Variants in VRK1 observed in about 807,000 individuals in gnomAD.
VRK1 encodes serine/threonine-protein kinase VRK1.
In VRK1, 33 loss-of-function variants were observed where a neutral mutation model predicts 57.1. That is an observed-to-expected ratio of 0.58 (90% CI 0.44 to 0.77). VRK1 has a LOEUF of 0.77. VRK1 is among the 30% of genes least tolerant of loss of function. The probability of loss-of-function intolerance (pLI) is 0.00; values close to 1 mark genes in which losing one functional copy is unlikely to be tolerated. For missense variants in VRK1, 413 were observed against 477.3 expected (o/e 0.87, Z 1.25); for synonymous variants, 137 against 147.8 (o/e 0.93, Z 0.53).
At chr14:96,863,709 C>T (rs949406620) in intron 11 of VRK1, among the ~76,000 whole-genome samples, 1 of 152,104 alleles carries the variant, frequency 6.6e-6, no homozygotes, top group Non-Finnish European at 1.5e-5. Context: ...ATTTTACCTC[C>T]TAATTTTAAA....
chr14:96,807,576 T>A (rs1226146651), intron 1 of VRK1, among the ~76,000 whole-genome samples: 1 of 152,236 alleles, frequency 6.6e-6, no homozygotes, highest in Non-Finnish European at 1.5e-5. Context: ...TTTTCTTCTG[T>A]GAGTTAAGGG....
At chr14:96,808,277 TGTTTTTG>T (rs1312221949) in intron 1 of VRK1, among the ~76,000 whole-genome samples, 3 of 151,044 alleles carry the variant, frequency 2.0e-5, no homozygotes, top group Non-Finnish European at 4.5e-5. Context: ...TTTCTGCCCC[TGTTTTTG>T]TTTAATTGTT....
chr14:96,855,470 A>G, intron 8 of VRK1, 114 bp downstream of exon 8: 1 of 1,516,890 alleles, frequency 6.6e-7, no homozygotes, highest in South Asian at 1.1e-5. Context: ...TTGAAAAGGC[A>G]CAGTGGCATG....
intron 10 of VRK1, 127 bp downstream of exon 10, chr14:96,856,713 A>G: frequency 1.3e-6 from 1 of 799,736 alleles, no homozygotes. Context: ...TCACACCTGT[A>G]ATCCCAGCAC....
At chr14:96,834,366 T>G (rs1317742277) in intron 2 of VRK1, among the ~76,000 whole-genome samples, 2 of 152,218 alleles carry the variant, frequency 1.3e-5, no homozygotes, top group African/African-American at 4.8e-5. Context: ...AGCAATATCT[T>G]ACTCAGAATA....
At chr14:96,836,865 T>C (rs527652760) in intron 2 of VRK1, among the ~76,000 whole-genome samples, 2 of 152,236 alleles carry the variant, frequency 1.3e-5, no homozygotes, top group Admixed American at 6.5e-5. Context: ...CCTGGAGTGC[T>C]CTTCACTAAG....
At chr14:96,797,526 G>A (rs2139669076) in intron 1 of VRK1, 79 bp downstream of exon 1, 1 of 152,258 alleles carries the variant, frequency 6.6e-6, no homozygotes, top group Non-Finnish European at 1.5e-5. Context: ...CGGGGCTGGG[G>A]CCGGCACTGG....
At chr14:96,834,834 A>G (rs1887152304) in intron 2 of VRK1, among the ~76,000 whole-genome samples, 1 of 152,194 alleles carries the variant, frequency 6.6e-6, no homozygotes, top group Non-Finnish European at 1.5e-5. Flanking sequence ...TGTATTAGCC[A>G]GGTATATATT....
intron 1 of VRK1, among the ~76,000 whole-genome samples, chr14:96,830,064 A>G (rs28500528): frequency 6.1e-4 from 93 of 152,092 alleles, no homozygotes; most frequent in African/African-American, 2.1e-3. Flanking sequence ...TTCCCCTGGC[A>G]TAAAATGTTG....
chr14:96,843,277 T>G (rs1392296180), intron 3 of VRK1, among the ~76,000 whole-genome samples: 2 of 152,216 alleles, frequency 1.3e-5, no homozygotes, highest in Non-Finnish European at 2.9e-5. Flanking sequence ...TGAATTGCAC[T>G]TACCCTTAGT....
At chr14:96,808,355 C>A (rs569735661) in intron 1 of VRK1, among the ~76,000 whole-genome samples, 24 of 152,224 alleles carry the variant, frequency 1.6e-4, no homozygotes, top group Middle Eastern at 6.8e-3. Context: ...CTTTATTTCT[C>A]CCTCATACCC....
intron 1 of VRK1, among the ~76,000 whole-genome samples, 168 bp downstream of exon 1, chr14:96,797,615 C>T (rs1885485642): frequency 1.3e-5 from 2 of 152,052 alleles, no homozygotes; most frequent in Admixed American, 6.5e-5. Flanking sequence ...CCGCGCTCCG[C>T]CGCGTGGCTT....
chr14:96,820,585 T>C (rs1002634005), intron 1 of VRK1, among the ~76,000 whole-genome samples: 2 of 152,218 alleles, frequency 1.3e-5, no homozygotes, highest in African/African-American at 2.4e-5. Context: ...AGAAAATTGC[T>C]CAAATTTGCT....
At chr14:96,871,374 A>AGGGT (rs1159736819) in intron 11 of VRK1, among the ~76,000 whole-genome samples, 2 of 151,562 alleles carry the variant, frequency 1.3e-5, no homozygotes, top group Non-Finnish European at 2.9e-5. Flanking sequence ...AACAAAATCA[A>AGGGT]GGGTGGACTG....
chr14:96,880,064 A>G (rs540199870), intron 12 of VRK1, among the ~76,000 whole-genome samples: 8 of 152,322 alleles, frequency 5.3e-5, no homozygotes, highest in African/African-American at 1.9e-4. Context: ...ATCATAGTAC[A>G]GTATATAGGG....
intron 1 of VRK1, among the ~76,000 whole-genome samples, chr14:96,821,112 TATATC>T (rs1384348183): frequency 6.6e-6 from 1 of 152,220 alleles, no homozygotes; most frequent in Non-Finnish European, 1.5e-5. Flanking sequence ...TACATAATAT[TATATC>T]ATAACTGTGT....
chr14:96,877,882 G>A (rs1350178322), intron 12 of VRK1, among the ~76,000 whole-genome samples: 2 of 151,980 alleles, frequency 1.3e-5, no homozygotes, highest in Non-Finnish European at 2.9e-5. Flanking sequence ...TAAGTTTTTA[G>A]TTTAAGGTCT....
chr14:96,816,870 G>A (rs1886414375), intron 1 of VRK1, among the ~76,000 whole-genome samples: 1 of 152,176 alleles, frequency 6.6e-6, no homozygotes, highest in Non-Finnish European at 1.5e-5. Flanking sequence ...AAAGTCAACT[G>A]TGAGAAGACA....
intron 1 of VRK1, among the ~76,000 whole-genome samples, chr14:96,811,086 C>T (rs9888573): frequency 0.014 from 2,122 of 152,132 alleles, 56 homozygotes; most frequent in African/African-American, 0.048. Flanking sequence ...CACGCCACCA[C>T]GCCCAGCTAA....
Sources: gnomAD v4.1 joint callset for allele counts (sites outside exome capture counted in the v4.1 genomes callset) on GRCh38, gnomAD v4.1.1 for gene constraint, MANE v1.5 for transcripts, NCBI Gene and HGNC (gene_info 2026-07-23, HGNC 2026-07-21) for gene names.